Variants in CLSTN2 observed in about 807,000 individuals in gnomAD.
CLSTN2 encodes calsyntenin 2, also known as calsyntenin-2.
In CLSTN2, 48 loss-of-function variants were observed where a neutral mutation model predicts 101.2. The ratio of observed to expected loss-of-function variants is 0.47; its 90% CI spans 0.38 to 0.60. The LOEUF (loss-of-function observed/expected upper bound fraction) is 0.60. Ranked by LOEUF, CLSTN2 falls within the 20% of genes least tolerant of loss-of-function variation. The pLI is 0.00. For missense variants in CLSTN2, 1,160 were observed against 1,238.2 expected (o/e 0.94, Z 0.95); for synonymous variants, 481 against 463.6 (o/e 1.04, Z -0.48).
chr3:140,400,452 G>A (rs753548849), intron 2 of CLSTN2, among the ~76,000 whole-genome samples: 6 of 152,156 alleles, frequency 3.9e-5, no homozygotes, highest in Non-Finnish European at 8.8e-5. Context: ...TGTAATCCCA[G>A]CACTTTGGGA....
chr3:140,134,145 C>G lies in CLSTN2; in HGVS notation c.110-41806C>G, dbSNP rs529436843. On this transcript the variant is annotated intron_variant, in intron 1 of 16. Transcript: ENST00000458420. ...AGCTAATTCTCACCTGGCTTGGAGT[C>G]CCAATTCCATCGTTTACTTGTGGGA... is the stretch of plus-strand genomic sequence containing the variant. 1.3e-3 allele frequency among the ~76,000 whole-genome samples: 199 copies of G among 152,296 alleles called. 1 individual carries two copies. The Middle Eastern group carries it at 0.02, about 16-fold the overall frequency.
At chr3:140,347,640 G>T (rs574603616) in intron 2 of CLSTN2, among the ~76,000 whole-genome samples, 2 of 152,288 alleles carry the variant, frequency 1.3e-5, no homozygotes, top group African/African-American at 4.8e-5. Context: ...ACAATCTCCA[G>T]GTAGTACTTG....
chr3:140,277,000 C>T (rs972857979), intron 2 of CLSTN2, among the ~76,000 whole-genome samples: 3 of 152,132 alleles, frequency 2.0e-5, no homozygotes, highest in African/African-American at 7.2e-5. Context: ...GGGCTGAGGC[C>T]AGCAGAATCA....
intron 2 of CLSTN2, among the ~76,000 whole-genome samples, chr3:140,177,516 A>T (rs1487158227): frequency 3.9e-5 from 6 of 152,146 alleles, no homozygotes; most frequent in Non-Finnish European, 8.8e-5. Flanking sequence ...GATGCCAGAT[A>T]TAGTGGCTCA....
chr3:140,225,688 G>T (rs550385467), intron 2 of CLSTN2, among the ~76,000 whole-genome samples: 4 of 152,116 alleles, frequency 2.6e-5, no homozygotes, highest in African/African-American at 9.6e-5. Flanking sequence ...AGTAGAGATG[G>T]GGTTTCACCA....
chr3:140,325,508 A>T (rs777643876), intron 2 of CLSTN2, among the ~76,000 whole-genome samples: 1 of 152,246 alleles, frequency 6.6e-6, no homozygotes, highest in South Asian at 2.1e-4. Context: ...TATTGTAAAA[A>T]GTAAAAGTGG....
At position 140,280,263 on chromosome 3, in the gene CLSTN2, C is replaced by T. The variant is rs1209398321; in HGVS notation, c.232+104190C>T. On this transcript the variant is annotated intron_variant, in intron 2 of 16. Coordinates refer to ENST00000458420, the MANE Select transcript of CLSTN2 (RefSeq NM_022131.3). ...CCATTTCAATATCCATGTTCTCTCC[C>T]GTACCCCTGACCCATTAGTAGGATG... 2.0e-5 allele frequency among the ~76,000 whole-genome samples: 3 copies of T among 152,184 alleles called. 1 individual carries two copies. The highest frequency in any genetic ancestry group is 2.0e-4 in the Admixed American group (3 of 15,274).
In CLSTN2 at chr3:140,210,488, A is replaced by G. The variant is rs1028990915; in HGVS notation, c.232+34415A>G. The stretch of plus-strand genomic sequence containing the variant: ...ACCCACATGATACACACCCTGCAGG[A>G]GAAAGACATTCCCAGCTGAGGTACA... On this transcript the variant is annotated intron_variant, in intron 2 of 16. Transcript: ENST00000458420. Among the ~76,000 whole-genome samples the G allele has an allele frequency of 1.4e-4, 21 of 152,188 alleles. 1 individual carries two copies. Among genetic ancestry groups the G allele is most frequent in the Non-Finnish European group, 1.5e-5 (1 of 68,032 alleles).
At chr3:140,208,673 A>T (rs2010815633) in intron 2 of CLSTN2, among the ~76,000 whole-genome samples, 1 of 152,180 alleles carries the variant, frequency 6.6e-6, no homozygotes. Flanking sequence ...CCACCAATGC[A>T]AATTTTAATT....
At chr3:140,263,200 G>A (rs1377367870) in intron 2 of CLSTN2, among the ~76,000 whole-genome samples, 1 of 152,170 alleles carries the variant, frequency 6.6e-6, no homozygotes, top group Non-Finnish European at 1.5e-5. Flanking sequence ...TGATGGTCAA[G>A]TACTGACAAA....
chr3:140,003,427 A>C (rs773786175), intron 1 of CLSTN2, among the ~76,000 whole-genome samples: 7 of 152,150 alleles, frequency 4.6e-5, no homozygotes, highest in Non-Finnish European at 8.8e-5. Flanking sequence ...GAATTTGTTT[A>C]TCAGTTTTAA....
At chr3:140,428,772 T>G (rs994044104) in intron 5 of CLSTN2, among the ~76,000 whole-genome samples, 3 of 152,340 alleles carry the variant, frequency 2.0e-5, no homozygotes, top group Middle Eastern at 6.8e-3. Context: ...ATTTCTTCTC[T>G]GTTCTTCGGG....
rs1407996073 is a variant in CLSTN2 at position 140,448,573 on chromosome 3, C to G, written c.842C>G (p.Pro281Arg). 6.2e-6 allele frequency: 10 copies of G among 1,614,076 alleles called. No homozygotes were observed. The highest frequency in any genetic ancestry group is 8.5e-6 in the Non-Finnish European group (10 of 1,180,002). Reference sequence around the variant, plus strand: ...GGCTCCGGGAGCATGCCCCTGTTCCCCAGCATCCACCTGGAGACGTGCGAT... The same window carrying G: ...GGCTCCGGGAGCATGCCCCTGTTCCGCAGCATCCACCTGGAGACGTGCGAT... ...QPGSGSMPLF[P>R]SIHLETCDGA... Residue 281 changes from proline to arginine, a missense_variant, in exon 6 of 17, where the codon CCC becomes CGC. Transcript: ENST00000458420.
At chr3:140,114,663 T>C (rs891618225) in intron 1 of CLSTN2, among the ~76,000 whole-genome samples, 2 of 152,094 alleles carry the variant, frequency 1.3e-5, no homozygotes, top group African/African-American at 2.4e-5. Flanking sequence ...TCCAGATATA[T>C]TGGCTACTAG....
intron 8 of CLSTN2, among the ~76,000 whole-genome samples, chr3:140,473,735 GT>G (rs1158399658): frequency 3.0e-3 from 257 of 86,262 alleles, no homozygotes; most frequent in African/African-American, 6.4e-3. Context: ...ATCTATGGGG[GT>G]TTTTTGTGTT....
chr3:140,092,883 A>G (rs934175034), intron 1 of CLSTN2, among the ~76,000 whole-genome samples: 1 of 152,010 alleles, frequency 6.6e-6, no homozygotes, highest in Non-Finnish European at 1.5e-5. Flanking sequence ...GGCTCCTCCT[A>G]CCTCAGGGGT....
chr3:140,427,187 ATATAT>A (rs2088576288), intron 5 of CLSTN2, among the ~76,000 whole-genome samples: 22 of 63,764 alleles, frequency 3.5e-4, no homozygotes, highest in African/African-American at 2.3e-3. Flanking sequence ...AAAAAAAAAT[ATATAT>A]ATATATATAT....
intron 2 of CLSTN2, among the ~76,000 whole-genome samples, chr3:140,396,800 T>A (rs534226837): frequency 6.6e-6 from 1 of 152,180 alleles, no homozygotes; most frequent in South Asian, 2.1e-4. Flanking sequence ...GCTCTGAGGC[T>A]GGGAGCACTC....
Position 140,054,573 on chromosome 3 carries a change from A to T in CLSTN2, c.109+119090A>T, listed in dbSNP as rs151223630. ...GCCACCCACATACCCACTGACTTATACACTCTCCTGCTTCCCATTTCTGCC... is the reference window on the plus strand; with the variant it reads ...GCCACCCACATACCCACTGACTTATTCACTCTCCTGCTTCCCATTTCTGCC... On this transcript the variant is annotated intron_variant, in intron 1 of 16. Transcript: ENST00000458420. Among the ~76,000 whole-genome samples the T allele has an allele frequency of 3.5e-4, 54 of 152,284 alleles. 1 individual carries two copies. The East Asian group carries it at 0.01, about 29-fold the overall frequency.
Sources: gnomAD v4.1 joint callset for allele counts (sites outside exome capture counted in the v4.1 genomes callset) on GRCh38, gnomAD v4.1.1 for gene constraint, MANE v1.5 for transcripts, NCBI Gene and HGNC (gene_info 2026-07-23, HGNC 2026-07-21) for gene names.